APOLD1: variants seen among roughly 807,000 people sequenced by gnomAD.
APOLD1 encodes the protein apolipoprotein L domain-containing protein 1.
A neutral mutation model predicts 15.3 loss-of-function variants in APOLD1; 22 were observed. That is an observed-to-expected ratio of 1.44 (90% CI 1.03 to 2.05). The LOEUF (loss-of-function observed/expected upper bound fraction) is 2.05, where lower values mean the gene tolerates loss of function less well. APOLD1 is among the 30% of genes most tolerant of loss of function. The pLI, the probability that APOLD1 is intolerant of heterozygous loss-of-function variation, is 0.00. For missense variants in APOLD1, 394 were observed against 353.5 expected (o/e 1.11, Z -0.92); for synonymous variants, 190 against 167.4 (o/e 1.13, Z -1.04).
At chr12:12,771,767 C>CAT in intron 1 of APOLD1, 1 of 277,556 alleles carries the variant, frequency 3.6e-6, no homozygotes, top group South Asian at 3.5e-5. Context: ...TTATATATTG[C>CAT]ATATATATAG....
intron 1 of APOLD1, among the ~76,000 whole-genome samples, chr12:12,779,915 T>C (rs1947066008): frequency 6.6e-6 from 1 of 152,130 alleles, no homozygotes; most frequent in South Asian, 2.1e-4. Context: ...AGTGCAGTAC[T>C]TGTTGAGTCT....
At chr12:12,763,604 G>T (rs115349400) in intron 1 of APOLD1, among the ~76,000 whole-genome samples, 2,559 of 152,072 alleles carry the variant, frequency 0.017, 74 homozygotes, top group African/African-American at 0.059. Context: ...ATTCTATCAG[G>T]TATTATAAGT....
chr12:12,748,456 A>G (rs1946782237), intron 1 of APOLD1, among the ~76,000 whole-genome samples: 1 of 152,216 alleles, frequency 6.6e-6, no homozygotes, highest in Non-Finnish European at 1.5e-5. Flanking sequence ...TCTTAGCATG[A>G]TAAAGTATCA....
intron 1 of APOLD1, among the ~76,000 whole-genome samples, chr12:12,742,557 G>A (rs1014219337): frequency 6.6e-6 from 1 of 152,146 alleles, no homozygotes. Context: ...ACAAGGTCAG[G>A]AGTTCAAGAC....
chr12:12,728,924 A>G lies in APOLD1; in HGVS notation c.96+2828A>G, dbSNP rs550302207. 1.4e-3 allele frequency among the ~76,000 whole-genome samples: 216 copies of G among 152,260 alleles called. 3 individuals carry two copies. The Middle Eastern group carries it at 0.017, about 12-fold the overall frequency. On this transcript the variant is annotated intron_variant, in intron 1 of 1. Coordinates refer to the APOLD1 transcript ENST00000326765. ...AAGTATACCATATTCTTGGATGGGA[A>G]CACCCAACATGACAAAGATGGCAGT...
At chr12:12,746,581 C>T (rs1195843200) in intron 1 of APOLD1, among the ~76,000 whole-genome samples, 1 of 152,136 alleles carries the variant, frequency 6.6e-6, no homozygotes, top group Non-Finnish European at 1.5e-5. Flanking sequence ...TGTATGAACT[C>T]TGATGTCTTC....
At chr12:12,743,532 C>T (rs1479373101) in intron 1 of APOLD1, among the ~76,000 whole-genome samples, 1 of 152,186 alleles carries the variant, frequency 6.6e-6, no homozygotes, top group African/African-American at 2.4e-5. Flanking sequence ...AGTGGTTGCT[C>T]CCTTTCCCTT....
chr12:12,728,186 T>C (rs1814102274), intron 1 of APOLD1, among the ~76,000 whole-genome samples: 1 of 152,052 alleles, frequency 6.6e-6, no homozygotes, highest in African/African-American at 2.4e-5. Context: ...AGGCTGGTAT[T>C]GAATGCCTGA....
At chr12:12,728,539 C>T (rs559729045) in intron 1 of APOLD1, among the ~76,000 whole-genome samples, 2 of 151,566 alleles carry the variant, frequency 1.3e-5, no homozygotes, top group East Asian at 3.9e-4. Flanking sequence ...TGTGGTGGTG[C>T]TGCCTGTAGT....
At position 12,787,680 on chromosome 12, in the gene APOLD1, G is replaced by A. The variant is rs748520075; in HGVS notation, c.*28G>A. On this transcript the variant is annotated 3_prime_UTR_variant, in exon 2 of 2. Coordinates refer to ENST00000356591, the MANE Select transcript of APOLD1 (RefSeq NM_030817.3). The surrounding 1 kb of genome is among the most constrained non-coding windows in gnomAD (Gnocchi z 4.9). ...ACATCCTTTCCCCCTAATGACCGAG[G>A]CCAGCAAATCATCCTCATGGGATGC... 4 of 1,549,880 alleles carry A rather than the reference G, an allele frequency of 2.6e-6. No homozygotes were observed. Among genetic ancestry groups the A allele is most frequent in the East Asian group, 2.3e-5 (1 of 44,336 alleles).
At chr12:12,776,822 T>G (rs979228632) in intron 1 of APOLD1, among the ~76,000 whole-genome samples, 1 of 152,188 alleles carries the variant, frequency 6.6e-6, no homozygotes, top group African/African-American at 2.4e-5. Flanking sequence ...TCATATTATA[T>G]TGAATTAAAA....
intron 1 of APOLD1, among the ~76,000 whole-genome samples, chr12:12,762,315 CAAGG>C (rs1946907524): frequency 6.6e-6 from 1 of 152,008 alleles, no homozygotes; most frequent in African/African-American, 2.4e-5. Context: ...AGGTAGGAAA[CAAGG>C]AAGGAATACC....
chr12:12,751,451 A>G (rs1334348020), intron 1 of APOLD1, among the ~76,000 whole-genome samples: 1 of 152,188 alleles, frequency 6.6e-6, no homozygotes, highest in Non-Finnish European at 1.5e-5. Flanking sequence ...CCCGAGCTCA[A>G]GGGATCCTCT....
At chr12:12,740,802 T>C (rs949042391) in intron 1 of APOLD1, among the ~76,000 whole-genome samples, 4 of 152,190 alleles carry the variant, frequency 2.6e-5, no homozygotes, top group African/African-American at 9.7e-5. Context: ...TTTTTATAAT[T>C]TTCCCACTAC....
intron 1 of APOLD1, among the ~76,000 whole-genome samples, chr12:12,772,143 G>T (rs114125506): frequency 6.6e-6 from 1 of 152,034 alleles, no homozygotes; most frequent in African/African-American, 2.4e-5. Context: ...TAACCAAACC[G>T]TATTAACAAT....
At chr12:12,753,722 A>C (rs921212481) in intron 1 of APOLD1, among the ~76,000 whole-genome samples, 1 of 152,174 alleles carries the variant, frequency 6.6e-6, no homozygotes, top group African/African-American at 2.4e-5. Flanking sequence ...GAGGCAGTGC[A>C]TTTAAATAAT....
chr12:12,783,938 T>C (rs1208821817), upstream of APOLD1, among the ~76,000 whole-genome samples: 2 of 152,160 alleles, frequency 1.3e-5, no homozygotes. Context: ...CTGGCCAAAG[T>C]ACCAGGTTTT....
rs2136405366 is a variant in APOLD1, at chr12:12,790,654, T to C, written c.*3002T>C. ...AAGAGTGTCTACTTTGGAACGATAC[T>C]TTGCACATAGTAGGAACTCAAGAAA... On this transcript the variant is annotated 3_prime_UTR_variant, in exon 2 of 2. Transcript: ENST00000356591. 1 of 152,334 alleles carries C rather than the reference T, an allele frequency of 6.6e-6. No individual in the cohort carries two copies. The highest frequency in any genetic ancestry group is 6.5e-5 in the Admixed American group (1 of 15,298). The allele number at this position is 152,334 out of a possible 1,614,324, so 9.4% of individuals were successfully genotyped here. A position where few individuals can be genotyped will look rare whatever the true frequency, so the allele number is the denominator to read the frequency against.
intron 1 of APOLD1, among the ~76,000 whole-genome samples, chr12:12,749,578 A>C (rs1032974583): frequency 1.3e-5 from 2 of 152,300 alleles, no homozygotes; most frequent in East Asian, 3.9e-4. Flanking sequence ...TTTGCAGCCA[A>C]TTAGTTGTTT....
Sources: gnomAD v4.1 joint callset for allele counts (sites outside exome capture counted in the v4.1 genomes callset) on GRCh38, gnomAD v4.1.1 for gene constraint, Gnocchi (gnomAD v3.1) non-coding constraint, MANE v1.5 for transcripts, NCBI Gene and HGNC (gene_info 2026-07-23, HGNC 2026-07-21) for gene names.